The following ALG6 variants were observed in gnomAD, a reference collection of about 807,000 sequenced individuals.
The protein encoded by ALG6 is ALG6 alpha-1,3-glucosyltransferase.
A neutral mutation model predicts 66.6 loss-of-function variants in ALG6; 46 were observed. The observed-to-expected ratio is 0.69, with a 90% CI of 0.55 to 0.88. The LOEUF (loss-of-function observed/expected upper bound fraction) is 0.88. ALG6 is among the 40% of genes least tolerant of loss of function. ALG6 has a pLI of 0.00. For missense variants in ALG6, 505 were observed against 586.8 expected, an observed-to-expected ratio of 0.86 and a Z score of 1.44; for synonymous variants, 185 against 203.7, an observed-to-expected ratio of 0.91 and a Z score of 0.78.
At chr1:63,386,244 A>G (rs947030037) in intron 2 of ALG6, among the ~76,000 whole-genome samples, 2 of 151,904 alleles carry the variant, frequency 1.3e-5, no homozygotes, top group Admixed American at 1.3e-4. Flanking sequence ...TTTTGCATCA[A>G]TGTTCATCAG....
At chr1:63,402,458 GTAT>G in intron 4 of ALG6, 115 bp downstream of exon 4, 3 of 339,998 alleles carry the variant, frequency 8.8e-6, no homozygotes, top group Admixed American at 5.3e-5. Flanking sequence ...AGCTGCTATT[GTAT>G]TTTTTTTTTT....
intron 12 of ALG6, among the ~76,000 whole-genome samples, chr1:63,423,707 A>G (rs945809978): frequency 6.6e-6 from 1 of 152,180 alleles, no homozygotes; most frequent in Non-Finnish European, 1.5e-5. Context: ...ATTGCATTGT[A>G]TCGATACACT....
At chr1:63,383,949 A>C (rs1210250536) in intron 2 of ALG6, among the ~76,000 whole-genome samples, 1 of 152,138 alleles carries the variant, frequency 6.6e-6, no homozygotes, top group African/African-American at 2.4e-5. Context: ...GGCTTGTTTC[A>C]CTTAACATCA....
In ALG6 at chr1:63,433,994, A is replaced by G. The variant is rs1644662581; in HGVS notation, c.1327-2829A>G. On this transcript the variant is annotated intron_variant, in intron 14 of 14. Coordinates refer to ENST00000263440, the MANE Select transcript of ALG6 (RefSeq NM_013339.4). The surrounding 1 kb of genome is among the most constrained non-coding windows in gnomAD (Gnocchi z 4.2). ...CAGATAATTGAGGGTAGAACATCCT[A>G]GAAGAGAAAAACTGCAAATGCAGTG... 6.6e-6 allele frequency among the ~76,000 whole-genome samples: 1 copy of G among 152,230 alleles called. No individual in the cohort carries two copies. The highest frequency in any genetic ancestry group is 1.5e-5 in the Non-Finnish European group (1 of 68,024).
In ALG6 at chr1:63,404,524, T is replaced by C; in HGVS notation, c.329T>C (p.Leu110Pro). The C allele has an allele frequency of 6.2e-7, 1 of 1,613,624 alleles. No individual in the cohort carries two copies. The highest frequency in any genetic ancestry group is 8.5e-7 in the Non-Finnish European group (1 of 1,179,662). ...GGATATGAGAGTCAGGCACATAAGC[T>C]CTTCATGCGTACAACAGGTAAAAGA... ...SRGYESQAHK[L>P]FMRTTVLIAD... Residue 110 changes from leucine to proline, a missense_variant, in exon 5 of 15, where the codon CTC (leucine) becomes CCC (proline). Leu to Pro is a moderately conservative substitution (Grantham distance 98). Transcript: ENST00000263440.
chr1:63,436,897 G>T lies in ALG6; in HGVS notation c.1401G>T (p.Pro467=). The change falls in exon 15 of 15, where the codon CCG becomes CCT. Residue 467 remains proline (P), a synonymous_variant. Transcript: ENST00000263440. ...TVTLDPPQKL[P]DLFSVLVCFV... is the part of the protein sequence containing the mutation. ...CACTGGATCCTCCTCAGAAACTACCGGACTTGTTTTCTGTATTGGTGTGTT... is the reference window on the plus strand; with the variant it reads ...CACTGGATCCTCCTCAGAAACTACCTGACTTGTTTTCTGTATTGGTGTGTT... 6.2e-7 allele frequency: 1 copy of T among 1,613,752 alleles called. No homozygotes were observed. Among genetic ancestry groups the T allele is most frequent in the South Asian group, 1.1e-5 (1 of 91,074 alleles).
rs766961482 is a variant in ALG6, at chr1:63,411,342, T to G, written c.680+11T>G. 6 of 1,611,748 alleles carry G rather than the reference T, an allele frequency of 3.7e-6. No individual in the cohort carries two copies. The Admixed American group carries it at 1.0e-4, about 27-fold the overall frequency. On this transcript the variant is annotated intron_variant, in intron 8 of 14. Coordinates refer to ENST00000263440, the MANE Select transcript of ALG6 (RefSeq NM_013339.4). ...CCTCAAAGGAAAGGGGTGAGTGACTTTTAAACACTAGAATCCAAAAATTTA... is the reference window on the plus strand; with the variant it reads ...CCTCAAAGGAAAGGGGTGAGTGACTGTTAAACACTAGAATCCAAAAATTTA...
chr1:63,433,086 G>C lies in ALG6; in HGVS notation c.1327-3737G>C, dbSNP rs1644656661. Among the ~76,000 whole-genome samples, 1 of 152,130 alleles carries C rather than the reference G, an allele frequency of 6.6e-6. No individual in the cohort carries two copies. The highest frequency in any genetic ancestry group is 1.5e-5 in the Non-Finnish European group (1 of 68,024). ...GCCTCCTGAGTAGCTGGGACTACAG[G>C]CACGTGCCACCACACCCTGCCAATT... On this transcript the variant is annotated intron_variant, in intron 14 of 14. Transcript: ENST00000263440. The surrounding 1 kb of genome is among the most constrained non-coding windows in gnomAD (Gnocchi z 4.2).
At chr1:63,415,506 A>T (rs1049560624) in intron 10 of ALG6, among the ~76,000 whole-genome samples, 1 of 152,286 alleles carries the variant, frequency 6.6e-6, no homozygotes, top group Middle Eastern at 3.4e-3. Context: ...TGTGTTACAG[A>T]TATAGCATTA....
chr1:63,416,699 G>A (rs1248953110), intron 11 of ALG6, among the ~76,000 whole-genome samples: 1 of 152,156 alleles, frequency 6.6e-6, no homozygotes, highest in Non-Finnish European at 1.5e-5. Flanking sequence ...GATGACTTGT[G>A]TCAGTTTGAA....
Position 63,429,108 on chromosome 1 carries a change from C to G in ALG6, c.1308C>G (p.Ser436=). 1 of 1,596,990 alleles carries G rather than the reference C, an allele frequency of 6.3e-7. No individual in the cohort carries two copies. Among genetic ancestry groups the G allele is most frequent in the Non-Finnish European group, 8.5e-7 (1 of 1,169,682 alleles). ...ATCTTCCATGTTTTACATTTCTTTC[C>G]AGAATTATACAATATTTGGTAAGTT... ...RKYLPCFTFL[S]RIIQYLFLIS... is the part of the protein sequence containing the mutation. Residue 436 remains serine (S), a synonymous_variant, in exon 14 of 15, where the codon TCC becomes TCG. Transcript: ENST00000263440.
At chr1:63,404,573 T>C (rs369733951) in intron 5 of ALG6, 32 bp downstream of exon 5, 17 of 1,602,328 alleles carry the variant, frequency 1.1e-5, no homozygotes, top group Non-Finnish European at 1.5e-5. Context: ...AATATAAAAT[T>C]TGATTTTTTA....
At chr1:63,398,886 C>T (rs954155624) in intron 3 of ALG6, among the ~76,000 whole-genome samples, 35 of 152,224 alleles carry the variant, frequency 2.3e-4, no homozygotes, top group Non-Finnish European at 1.3e-4. Context: ...TACTAATTTT[C>T]TATGCTGTGT....
At chr1:63,368,134 A>G (rs1647788938) in intron 1 of ALG6, among the ~76,000 whole-genome samples, 1 of 152,176 alleles carries the variant, frequency 6.6e-6, no homozygotes. Context: ...CGTCAGGGCA[A>G]AGGAGGACGA....
intron 10 of ALG6, 24 bp from the exon 11 acceptor site, chr1:63,415,849 A>G: frequency 1.4e-6 from 2 of 1,480,076 alleles, no homozygotes; most frequent in Non-Finnish European, 1.9e-6. Flanking sequence ...GAAGACAAAT[A>G]TTTGATTTGT....
chr1:63,425,791 T>A (rs1485263540), intron 12 of ALG6, among the ~76,000 whole-genome samples: 1 of 152,058 alleles, frequency 6.6e-6, no homozygotes, highest in East Asian at 1.9e-4. Flanking sequence ...AGTGAATGTA[T>A]GGGAGTGATT....
rs981893296 is a variant in ALG6 at position 63,406,304 on chromosome 1, C to G, written c.347-13C>G. ...ATGGACTCATGTTTAAAGTTATTTA[C>G]TTGTGTTTTCAGTTTTAATTGCTGA... On this transcript the variant is annotated splice_polypyrimidine_tract_variant and intron_variant, in intron 5 of 14. Coordinates refer to ENST00000263440, the MANE Select transcript of ALG6 (RefSeq NM_013339.4). 2.2e-5 allele frequency: 36 copies of G among 1,610,466 alleles called. No individual in the cohort carries two copies. The highest frequency in any genetic ancestry group is 3.0e-5 in the Non-Finnish European group (35 of 1,177,206).
In ALG6 at chr1:63,423,437, A is replaced by G. The variant is rs192395360; in HGVS notation, c.1058+3997A>G. On this transcript the variant is annotated intron_variant, in intron 12 of 14. Coordinates refer to ENST00000263440, the MANE Select transcript of ALG6 (RefSeq NM_013339.4). Reference sequence around the variant, plus strand: ...AGTACATTCACACTGTTGTGCAAGCATCACCACTATCTACCTCCAGAACAT... The same window carrying G: ...AGTACATTCACACTGTTGTGCAAGCGTCACCACTATCTACCTCCAGAACAT... Among the ~76,000 whole-genome samples, 79 of 152,338 alleles carry G rather than the reference A, an allele frequency of 5.2e-4. 1 individual carries two copies. The highest frequency in any genetic ancestry group is 1.6e-3 in the African/African-American group (65 of 41,570).
At chr1:63,428,622 T>C in intron 12 of ALG6, 111 bp from the exon 13 acceptor site, 1 of 857,516 alleles carries the variant, frequency 1.2e-6, no homozygotes. Context: ...TCCTGGCTGT[T>C]TTTAAGCTAC....
Sources: gnomAD v4.1 joint callset for allele counts (sites outside exome capture counted in the v4.1 genomes callset) on GRCh38, gnomAD v4.1.1 for gene constraint, Gnocchi (gnomAD v3.1) non-coding constraint, MANE v1.5 for transcripts, NCBI Gene and HGNC (gene_info 2026-07-23, HGNC 2026-07-21) for gene names.